Variants in VPS13D observed in about 807,000 individuals in gnomAD.
VPS13D encodes intermembrane lipid transfer protein VPS13D.
VPS13D carries 187 observed loss-of-function variants against 461.9 expected under a neutral mutation model. The ratio of observed to expected loss-of-function variants is 0.40; its 90% CI spans 0.36 to 0.46. The LOEUF (loss-of-function observed/expected upper bound fraction) is 0.46, where lower values mean the gene tolerates loss of function less well. Among genes scored for constraint, VPS13D ranks in the 20% least tolerant of loss-of-function variants. The probability of loss-of-function intolerance (pLI) is 0.60; values close to 1 mark genes in which losing one functional copy is unlikely to be tolerated. For synonymous variants in VPS13D, 1,951 were observed against 1,986.3 expected (o/e 0.98, Z 0.47); for missense variants, 4,711 against 5,364.9 (o/e 0.88, Z 3.81).
Position 12,283,754 on chromosome 1 carries a change from T to G in VPS13D, c.5634+18T>G, listed in dbSNP as rs1557685245. ...ATCTCAAGGTATCCTCAGTTCCCTT[T>G]GGCTCCCTTAAGCTCTAAAAATGGA... On this transcript the variant is annotated intron_variant, in intron 21 of 69. Coordinates refer to ENST00000620676, the MANE Select transcript of VPS13D (RefSeq NM_015378.4). 1.9e-6 allele frequency: 3 copies of G among 1,596,036 alleles called. No homozygotes were observed. The highest frequency in any genetic ancestry group is 1.3e-5 in the African/African-American group (1 of 74,328).
At chr1:12,489,425 A>G (rs1259750765) in intron 67 of VPS13D, among the ~76,000 whole-genome samples, 1 of 152,216 alleles carries the variant, frequency 6.6e-6, no homozygotes, top group African/African-American at 2.4e-5. Context: ...TATCAATATA[A>G]TTTCTAATGA....
intron 67 of VPS13D, among the ~76,000 whole-genome samples, chr1:12,465,523 G>A (rs898990331): frequency 1.3e-5 from 2 of 152,148 alleles, no homozygotes; most frequent in South Asian, 2.1e-4. Context: ...CGGGACCCTC[G>A]GATTGTGCAC....
In VPS13D at chr1:12,510,593, C is replaced by T. The variant is rs895974617; in HGVS notation, c.*1569C>T. 1 of 152,806 alleles carries T rather than the reference C, an allele frequency of 6.5e-6. No homozygotes were observed. The highest frequency in any genetic ancestry group is 1.5e-5 in the Non-Finnish European group (1 of 68,746). The allele number at this position is 152,806 out of a possible 1,614,324, so 9.5% of individuals were successfully genotyped here. A position where few individuals can be genotyped will look rare whatever the true frequency, so the allele number is the denominator to read the frequency against. On this transcript the variant is annotated 3_prime_UTR_variant, in exon 70 of 70. Coordinates refer to ENST00000620676, the MANE Select transcript of VPS13D (RefSeq NM_015378.4). ...TGCATGCAGAGAGGAAGGAAGGGAG[C>T]TTTAGCACAAGTAGCTACATAGTGT... is the stretch of plus-strand genomic sequence containing the variant.
chr1:12,273,192 AT>A, intron 18 of VPS13D, 57 bp downstream of exon 18: 1 of 1,560,604 alleles, frequency 6.4e-7, no homozygotes, highest in East Asian at 2.3e-5. Context: ...TGATCTATCT[AT>A]GATTATCTAA....
intron 65 of VPS13D, among the ~76,000 whole-genome samples, chr1:12,419,168 A>G (rs1644831432): frequency 6.6e-6 from 1 of 152,196 alleles, no homozygotes; most frequent in African/African-American, 2.4e-5. Flanking sequence ...GGGGGCAGTG[A>G]TAATACATTT....
rs753082069 is a variant in VPS13D, at chr1:12,256,468, A to G, written c.805A>G (p.Ile269Val). 2 of 1,614,104 alleles carry G rather than the reference A, an allele frequency of 1.2e-6. No homozygotes were observed. The highest frequency in any genetic ancestry group is 2.2e-5 in the East Asian group (1 of 44,888). ...SRHSPRIDCD[I>V]QLETIPLKLS... is the part of the protein sequence containing the mutation. ...GCACAGTCCCCGTATTGATTGTGAT[A>G]TTCAGCTGGAGACCATTCCCTTGAA... The change falls in exon 8 of 70, where the codon ATT (isoleucine) becomes GTT (valine). Residue 269 changes from isoleucine (I) to valine (V), a missense_variant. Coordinates refer to ENST00000620676, the MANE Select transcript of VPS13D (RefSeq NM_015378.4).
At chr1:12,479,984 A>T (rs75205367) in intron 67 of VPS13D, among the ~76,000 whole-genome samples, 174 of 152,296 alleles carry the variant, frequency 1.1e-3, no homozygotes, top group Non-Finnish European at 2.2e-3. Context: ...CTCATGTTCA[A>T]GGGCCTCTTT....
chr1:12,471,895 C>T (rs911851441), intron 67 of VPS13D, among the ~76,000 whole-genome samples: 1 of 151,750 alleles, frequency 6.6e-6, no homozygotes, highest in Non-Finnish European at 1.5e-5. Context: ...AACCCTGGGC[C>T]TAGTAACTCG....
At chr1:12,232,109 T>C (rs967540415) in intron 1 of VPS13D, among the ~76,000 whole-genome samples, 2 of 152,236 alleles carry the variant, frequency 1.3e-5, no homozygotes, top group Non-Finnish European at 2.9e-5. Context: ...ATAATTAGTT[T>C]TATGTAACTC....
intron 60 of VPS13D, among the ~76,000 whole-genome samples, chr1:12,388,707 A>G (rs1206157655): frequency 6.6e-6 from 1 of 152,222 alleles, no homozygotes; most frequent in Admixed American, 6.5e-5. Context: ...TAATGGTATC[A>G]ATTAACTAAA....
At chr1:12,349,398 A>C (rs377511312) in intron 46 of VPS13D, 24 bp downstream of exon 46, 1 of 1,602,122 alleles carries the variant, frequency 6.2e-7, no homozygotes, top group Admixed American at 1.7e-5. Context: ...CTGCAGTGAC[A>C]TGTCACTTTT....
chr1:12,444,907 C>T (rs573558912), intron 65 of VPS13D, among the ~76,000 whole-genome samples: 2 of 152,202 alleles, frequency 1.3e-5, no homozygotes, highest in Non-Finnish European at 2.9e-5. Context: ...TTTCCTTCTA[C>T]CTCAGATACC....
intron 36 of VPS13D, 102 bp from the exon 37 acceptor site, chr1:12,329,727 C>T (rs1643281604): frequency 7.7e-6 from 6 of 782,296 alleles, no homozygotes; most frequent in Admixed American, 2.3e-5. Flanking sequence ...TGTGTGCTCT[C>T]CTTTGCGAGT....
chr1:12,474,872 T>G lies in VPS13D; in HGVS notation c.12662+14476T>G, dbSNP rs188377809. Among the ~76,000 whole-genome samples the G allele has an allele frequency of 6.2e-4, 95 of 152,312 alleles. 1 individual carries two copies. The highest frequency in any genetic ancestry group is 2.2e-3 in the African/African-American group (90 of 41,568). Reference sequence around the variant, plus strand: ...AATTCATTTGCGACTTGGGCTCTTCTTAGAACATATGATAAGTACAACGCA... The same window carrying G: ...AATTCATTTGCGACTTGGGCTCTTCGTAGAACATATGATAAGTACAACGCA... On this transcript the variant is annotated intron_variant, in intron 67 of 69. Coordinates refer to ENST00000620676, the MANE Select transcript of VPS13D (RefSeq NM_015378.4).
At chr1:12,506,558 C>A (rs1430654496) in intron 68 of VPS13D, among the ~76,000 whole-genome samples, 1 of 152,236 alleles carries the variant, frequency 6.6e-6, no homozygotes, top group East Asian at 1.9e-4. Context: ...CTCTCCTCTG[C>A]CAGGCAGTGA....
intron 23 of VPS13D, among the ~76,000 whole-genome samples, chr1:12,292,252 A>G (rs1161519424): frequency 1.4e-5 from 2 of 141,242 alleles, no homozygotes; most frequent in East Asian, 2.0e-4. Flanking sequence ...ACAAGAGCGA[A>G]ACTCCATCTC....
At chr1:12,248,379 G>A (rs910525596) in intron 5 of VPS13D, among the ~76,000 whole-genome samples, 6 of 151,228 alleles carry the variant, frequency 4.0e-5, no homozygotes, top group South Asian at 2.1e-4. Context: ...ATCTCACTCC[G>A]TTGCCTAGGC....
intron 29 of VPS13D, among the ~76,000 whole-genome samples, chr1:12,313,630 T>C (rs1642815678): frequency 6.6e-6 from 1 of 152,196 alleles, no homozygotes; most frequent in Non-Finnish European, 1.5e-5. Context: ...GTTGGTAGAT[T>C]AGTTGAATTA....
chr1:12,444,096 A>G (rs1416568022), intron 65 of VPS13D, among the ~76,000 whole-genome samples: 1 of 152,018 alleles, frequency 6.6e-6, no homozygotes. Flanking sequence ...CCGCCCGCCC[A>G]TCCCAAAGTG....
Sources: allele counts gnomAD v4.1 joint callset (sites outside exome capture counted in the v4.1 genomes callset), GRCh38; gene constraint gnomAD v4.1.1; transcripts MANE v1.5; gene names NCBI Gene and HGNC (gene_info 2026-07-23, HGNC 2026-07-21).